FCMR: variants seen among roughly 807,000 people sequenced by gnomAD.
FCMR encodes the protein Fc mu receptor, also known as immunoglobulin mu Fc receptor.
A neutral mutation model predicts 41.6 loss-of-function variants in FCMR; 34 were observed. That is an observed-to-expected ratio of 0.82 (90% CI 0.62 to 1.09). FCMR has a LOEUF of 1.09. Ranked by LOEUF, FCMR falls within the 50% of genes least tolerant of loss-of-function variation. FCMR has a pLI of 0.00. For missense variants in FCMR, 496 were observed against 512.5 expected, an observed-to-expected ratio of 0.97 and a Z score of 0.31; for synonymous variants, 209 against 211.8, an observed-to-expected ratio of 0.99 and a Z score of 0.12.
At position 206,911,725 on chromosome 1, in the gene FCMR, C is replaced by T. The variant is rs573105172; in HGVS notation, c.710+5G>A. ...AACTCTAGATCCTGGACAGTGGTCT[C>T]TTACCTCTGCCTGTGCAGCCTGGTG... On this transcript the variant is annotated splice_donor_5th_base_variant and intron_variant, in intron 4 of 7. Transcript: ENST00000367091. 1.2e-6 allele frequency: 2 copies of T among 1,611,152 alleles called. No homozygotes were observed. The highest frequency in any genetic ancestry group is 1.1e-5 in the South Asian group (1 of 90,822).
At chr1:206,921,413 C>A (rs998156377) in intron 1 of FCMR, 4 of 443,798 alleles carry the variant, frequency 9.0e-6, no homozygotes, top group African/African-American at 4.0e-5. Flanking sequence ...CCATCCTGGG[C>A]AACACAGCAA....
At chr1:206,907,087 T>TGGG (rs1441828397) in intron 7 of FCMR, among the ~76,000 whole-genome samples, 1 of 19,570 alleles carries the variant, frequency 5.1e-5, no homozygotes, top group Non-Finnish European at 1.1e-4. Flanking sequence ...AGCCGGGGGG[T>TGGG]GGGGGGGTGG....
At chr1:206,908,486 G>A (rs1345166499) in intron 7 of FCMR, among the ~76,000 whole-genome samples, 1 of 152,138 alleles carries the variant, frequency 6.6e-6, no homozygotes, top group African/African-American at 2.4e-5. Flanking sequence ...AAAAGGAGTC[G>A]GAAGACTAAT....
At chr1:206,914,678 C>A (rs1679112984) in intron 1 of FCMR, among the ~76,000 whole-genome samples, 1 of 152,034 alleles carries the variant, frequency 6.6e-6, no homozygotes, top group Non-Finnish European at 1.5e-5. Flanking sequence ...AGTGATCTGC[C>A]TGCCTCGGCC....
intron 1 of FCMR, chr1:206,917,691 A>G (rs751476493): frequency 2.2e-5 from 9 of 402,666 alleles, no homozygotes; most frequent in Non-Finnish European, 4.3e-5. Context: ...CAGTGGTGCA[A>G]TCTTGGCTCA....
rs1292080922 is a variant in FCMR, at chr1:206,903,739, T to C, written c.*1280A>G. 6.6e-6 allele frequency: 1 copy of C among 152,286 alleles called. No individual in the cohort carries two copies. Among genetic ancestry groups the C allele is most frequent in the East Asian group, 1.9e-4 (1 of 5,340 alleles). 9.4% of individuals were successfully genotyped at this position (152,286 alleles called of 1,614,324 possible). A position where few individuals can be genotyped will look rare whatever the true frequency, so the allele number is the denominator to read the frequency against. ...CCTTGGTGCCCTCCTTTTTTTTTTATCCTAGTCATTCTTCCCTAATCTTCC... is the reference window on the plus strand; with the variant it reads ...CCTTGGTGCCCTCCTTTTTTTTTTACCCTAGTCATTCTTCCCTAATCTTCC... On this transcript the variant is annotated 3_prime_UTR_variant, in exon 8 of 8. Transcript: ENST00000367091.
rs1327929171 is a variant in FCMR at position 206,909,169 on chromosome 1, C to G, written c.1044+293G>C. On this transcript the variant is annotated intron_variant, in intron 7 of 7. Coordinates refer to ENST00000367091, the MANE Select transcript of FCMR (RefSeq NM_005449.5). This position sits in a 1 kb window ranked among gnomAD's most constrained non-coding sequence, Gnocchi z 5.0. ...TTTCACATAACTGTGGAGCTGCCACCTATCATTCTCTGCTAAGCCAGCTGC... is the reference window on the plus strand; with the variant it reads ...TTTCACATAACTGTGGAGCTGCCACGTATCATTCTCTGCTAAGCCAGCTGC... Among the ~76,000 whole-genome samples, 1 of 152,200 alleles carries G rather than the reference C, an allele frequency of 6.6e-6. No homozygotes were observed. Among genetic ancestry groups the G allele is most frequent in the Non-Finnish European group, 1.5e-5 (1 of 68,040 alleles).
At chr1:206,912,779 A>G in intron 3 of FCMR, 150 bp downstream of exon 3, 2 of 623,870 alleles carry the variant, frequency 3.2e-6, no homozygotes, top group Admixed American at 4.3e-5. Flanking sequence ...TCAGGGAGGT[A>G]TGTGCCCTCT....
intron 7 of FCMR, chr1:206,907,842 C>A: frequency 7.1e-7 from 1 of 1,402,586 alleles, no homozygotes; most frequent in Non-Finnish European, 1.0e-6. Flanking sequence ...CACTTCCCGG[C>A]CCCCAGCCGC....
rs762441183 is a variant in FCMR, at chr1:206,907,645, T to C, written c.1044+1817A>G. 385 of 765,728 alleles carry C rather than the reference T, an allele frequency of 5.0e-4. 1 individual carries two copies. The highest frequency in any genetic ancestry group is 1.3e-3 in the Admixed American group (73 of 57,972). 47.4% of individuals were successfully genotyped at this position (765,728 alleles called of 1,614,324 possible). A position where few individuals can be genotyped will look rare whatever the true frequency, so the allele number is the denominator to read the frequency against. ...TGGCGGGGGTGCAGGTCCTGGTGCT[T>C]GATGGTGGAGGCCATCTCCTGGGCC... is the stretch of plus-strand genomic sequence containing the variant. On this transcript the variant is annotated intron_variant, in intron 7 of 7. Transcript: ENST00000367091.
At chr1:206,905,286 T>C (rs779226381) in intron 7 of FCMR, 139 bp from the exon 8 acceptor site, 329 of 903,016 alleles carry the variant, frequency 3.6e-4, no homozygotes, top group Non-Finnish European at 5.2e-4. Context: ...ATGGCTCAGC[T>C]CCATCAAGTG....
In FCMR at chr1:206,909,680, A is replaced by G. The variant is rs535429372; in HGVS notation, c.985+45T>C. 6 of 1,369,972 alleles carry G rather than the reference A, an allele frequency of 4.4e-6. No individual in the cohort carries two copies. The highest frequency in any genetic ancestry group is 2.4e-4 in the Middle Eastern group (1 of 4,250). 84.9% of individuals were successfully genotyped at this position (1,369,972 alleles called of 1,614,324 possible). ...CGCTGCGCCCGGCTTTCCCGGAGCC[A>G]GCGCACTCTTTCCGCTACTCCCCGT... On this transcript the variant is annotated intron_variant, in intron 6 of 7. Transcript: ENST00000367091. This position sits in a 1 kb window ranked among gnomAD's most constrained non-coding sequence, Gnocchi z 5.0.
chr1:206,916,892 C>T (rs980914756), intron 1 of FCMR, among the ~76,000 whole-genome samples: 3 of 152,310 alleles, frequency 2.0e-5, no homozygotes, highest in Non-Finnish European at 4.4e-5. Flanking sequence ...CCCAGGTGCT[C>T]TTGCATTTCT....
rs1678958185 is a variant in FCMR at position 206,911,907 on chromosome 1, G to A, written c.533C>T (p.Ser178Phe). 1 of 1,606,268 alleles carries A rather than the reference G, an allele frequency of 6.2e-7. No homozygotes were observed. The highest frequency in any genetic ancestry group is 1.3e-5 in the African/African-American group (1 of 74,268). The stretch of plus-strand genomic sequence containing the variant: ...GTGGGTGATTTGGGTGGTGGGGGAG[G>A]AGTGGTGAACTGGAGGGACCTTGCC... Reference protein sequence around the residue: ...QRGKVPPVHHSSPTTQITHRP... With the variant: ...QRGKVPPVHHFSPTTQITHRP... Residue 178 changes from serine to phenylalanine, a missense_variant, in exon 4 of 8, where the codon TCC becomes TTC. Physicochemically the swap from Ser to Phe is radical, Grantham distance 155 (BLOSUM62 -2). Transcript: ENST00000367091.
rs776686365 is a variant in FCMR at position 206,910,304 on chromosome 1, G to C, written c.747C>G (p.Gly249=). The change falls in exon 5 of 8, where the codon GGC becomes GGG. Residue 249 remains glycine (G), a synonymous_variant. Transcript: ENST00000367091. ...LDYGSQSGRE[G]QGFHILIPTI... ...TCGGGATCAGGATGTGAAATCCTTG[G>C]CCTTCCCTCCCAGACTGTGAGCCAT... is the stretch of plus-strand genomic sequence containing the variant. 2.9e-5 allele frequency: 46 copies of C among 1,573,582 alleles called. No homozygotes were observed. The highest frequency in any genetic ancestry group is 3.8e-5 in the Non-Finnish European group (44 of 1,159,400).
chr1:206,922,161 G>A (rs999814319), upstream of FCMR, among the ~76,000 whole-genome samples: 1 of 152,194 alleles, frequency 6.6e-6, no homozygotes, highest in Non-Finnish European at 1.5e-5. Context: ...CAGTGACCAG[G>A]CCTGATATTC....
chr1:206,918,934 A>G (rs1421419054), intron 1 of FCMR, among the ~76,000 whole-genome samples: 2 of 152,096 alleles, frequency 1.3e-5, no homozygotes, highest in East Asian at 1.9e-4. Flanking sequence ...AATACTATAT[A>G]TCTGAATATT....
rs143670252 is a variant in FCMR at position 206,903,323 on chromosome 1, C to G, written c.*1696G>C. ...TATTTAATTAATGTCAGTATTTCAA[C>G]TGAAGTTCTATTTATTTGTGAGACT... is the stretch of plus-strand genomic sequence containing the variant. On this transcript the variant is annotated 3_prime_UTR_variant, in exon 8 of 8. Transcript: ENST00000367091. The G allele has an allele frequency of 5.9e-4, 231 of 388,448 alleles. 2 individuals are homozygous for G. The East Asian group carries it at 0.011, about 18-fold the overall frequency. The allele number at this position is 388,448 out of a possible 1,614,324, so 24.1% of individuals were successfully genotyped here.
chr1:206,912,478 G>A (rs964747000), intron 3 of FCMR, among the ~76,000 whole-genome samples: 2 of 152,170 alleles, frequency 1.3e-5, no homozygotes, highest in Admixed American at 6.5e-5. Flanking sequence ...AAATGTAAAG[G>A]TATCATTAGT....
Sources: allele counts gnomAD v4.1 joint callset (sites outside exome capture counted in the v4.1 genomes callset), GRCh38; gene constraint gnomAD v4.1.1; non-coding constraint Gnocchi (gnomAD v3.1); transcripts MANE v1.5; gene names NCBI Gene and HGNC (gene_info 2026-07-23, HGNC 2026-07-21).